Variants in NFIX observed in about 807,000 individuals in gnomAD.
NFIX encodes nuclear factor 1 X-type.
NFIX carries 2 observed loss-of-function variants against 53.3 expected under a neutral mutation model. The observed-to-expected ratio is 0.04, with a 90% confidence interval of 0.02 to 0.12. The LOEUF (loss-of-function observed/expected upper bound fraction) is 0.12, where lower values mean the gene tolerates loss of function less well. Ranked by LOEUF, NFIX falls within the 10% of genes least tolerant of loss-of-function variation. NFIX has a pLI of 1.00. For synonymous variants in NFIX, 244 were observed against 289.0 expected (o/e 0.84, Z 1.58); for missense variants, 310 against 674.5 (o/e 0.46, Z 5.99).
intron 2 of NFIX, among the ~76,000 whole-genome samples, chr19:13,050,101 ACT>A (rs2015236617): frequency 1.3e-5 from 2 of 152,228 alleles, no homozygotes; most frequent in Admixed American, 1.3e-4. Context: ...GAGTTTCATA[ACT>A]GCATTCCTTG....
At chr19:13,055,131 C>T (rs1314371777) in intron 2 of NFIX, among the ~76,000 whole-genome samples, 1 of 151,770 alleles carries the variant, frequency 6.6e-6, no homozygotes, top group Non-Finnish European at 1.5e-5. Flanking sequence ...TAGGAGACCT[C>T]CCGCCGGCTG....
rs1434959120 is a variant in NFIX, at chr19:13,040,871, T to C, written c.559+15319T>C. Among the ~76,000 whole-genome samples, 1 of 152,208 alleles carries C rather than the reference T, an allele frequency of 6.6e-6. No homozygotes were observed. Among genetic ancestry groups the C allele is most frequent in the Non-Finnish European group, 1.5e-5 (1 of 68,036 alleles). The stretch of plus-strand genomic sequence containing the variant: ...ATCTTAGAACTGTTTCCAGTAGTTT[T>C]TGAGTGAATTCCGAGCACTCCACTT... On this transcript the variant is annotated intron_variant, in intron 2 of 10. Transcript: ENST00000592199. This position sits in a 1 kb window ranked among gnomAD's most constrained non-coding sequence, Gnocchi z 4.2.
Position 13,088,268 on chromosome 19 carries a change from A to G in NFIX, c.1402+132A>G. On this transcript the variant is annotated intron_variant, in intron 9 of 10. Coordinates refer to ENST00000592199, the MANE Select transcript of NFIX (RefSeq NM_001365902.3). The surrounding 1 kb of genome is among the most constrained non-coding windows in gnomAD (Gnocchi z 5.9). ...CCCAACCCAGAGCACCATGGACAAG[A>G]GCAGAGCCGAGCCCCCCAACCACAG... 8.9e-7 allele frequency: 1 copy of G among 1,117,938 alleles called. No individual in the cohort carries two copies. Among genetic ancestry groups the G allele is most frequent in the East Asian group, 2.6e-5 (1 of 38,258 alleles). 69.3% of individuals were successfully genotyped at this position (1,117,938 alleles called of 1,614,324 possible). A position where few individuals can be genotyped will look rare whatever the true frequency, so the allele number is the denominator to read the frequency against.
rs544795913 is a variant in NFIX, at chr19:13,027,529, G to C, written c.559+1977G>C. Among the ~76,000 whole-genome samples, 3 of 152,244 alleles carry C rather than the reference G, an allele frequency of 2.0e-5. No homozygotes were observed. In the East Asian group the frequency reaches 5.8e-4, roughly 29 times the overall value. On this transcript the variant is annotated intron_variant, in intron 2 of 10. Coordinates refer to ENST00000592199, the MANE Select transcript of NFIX (RefSeq NM_001365902.3). This position sits in a 1 kb window ranked among gnomAD's most constrained non-coding sequence, Gnocchi z 4.3. ...CTTCCAATTTTAGAACCAGGGGCTCGAGAGCATCTAAGATGAAAATCAACA... is the reference window on the plus strand; with the variant it reads ...CTTCCAATTTTAGAACCAGGGGCTCCAGAGCATCTAAGATGAAAATCAACA...
In NFIX at chr19:13,066,847, C is replaced by A. The variant is rs1361770167; in HGVS notation, c.560-6200C>A. ...ATCCTAGAAGCCCCGTGGGCCCAGA[C>A]CCTGGCCAAGCCTCATCCCCCGGCC... On this transcript the variant is annotated intron_variant, in intron 2 of 10. Coordinates refer to ENST00000592199, the MANE Select transcript of NFIX (RefSeq NM_001365902.3). This position sits in a 1 kb window ranked among gnomAD's most constrained non-coding sequence, Gnocchi z 4.2. Among the ~76,000 whole-genome samples the A allele has an allele frequency of 2.6e-5, 4 of 152,202 alleles. No homozygotes were observed. In the East Asian group the frequency reaches 7.7e-4, roughly 29 times the overall value.
rs762297681 is a variant in NFIX, at chr19:13,075,531, C to G, written c.819-4C>G. Reference sequence around the variant, plus strand: ...GCCCATGTGACCCTTTCTTTCTTCCCCAGCACCACCAAGCGCCCCAAGTCC... The same window carrying G: ...GCCCATGTGACCCTTTCTTTCTTCCGCAGCACCACCAAGCGCCCCAAGTCC... On this transcript the variant is annotated splice_polypyrimidine_tract_variant and splice_region_variant and intron_variant, in intron 5 of 10. Transcript: ENST00000592199. 27 of 1,613,382 alleles carry G rather than the reference C, an allele frequency of 1.7e-5. No individual in the cohort carries two copies. The highest frequency in any genetic ancestry group is 2.2e-5 in the Non-Finnish European group (26 of 1,179,652).
At position 13,067,880 on chromosome 19, in the gene NFIX, C is replaced by T. The variant is rs978569019; in HGVS notation, c.560-5167C>T. Among the ~76,000 whole-genome samples, 10 of 151,968 alleles carry T rather than the reference C, an allele frequency of 6.6e-5. No individual in the cohort carries two copies. The highest frequency in any genetic ancestry group is 1.3e-4 in the Non-Finnish European group (9 of 68,000). Reference sequence around the variant, plus strand: ...CAGCACTTTGGGAGGCTGAGACGGGCGGATCACCAGGTCAGGAGATCGAGA... The same window carrying T: ...CAGCACTTTGGGAGGCTGAGACGGGTGGATCACCAGGTCAGGAGATCGAGA... On this transcript the variant is annotated intron_variant, in intron 2 of 10. Coordinates refer to ENST00000592199, the MANE Select transcript of NFIX (RefSeq NM_001365902.3). The surrounding 1 kb of genome is among the most constrained non-coding windows in gnomAD (Gnocchi z 4.2).
chr19:13,043,572 C>T lies in NFIX; in HGVS notation c.559+18020C>T, dbSNP rs1392089020. Among the ~76,000 whole-genome samples, 1 of 152,184 alleles carries T rather than the reference C, an allele frequency of 6.6e-6. No individual in the cohort carries two copies. Among genetic ancestry groups the T allele is most frequent in the Non-Finnish European group, 1.5e-5 (1 of 68,022 alleles). On this transcript the variant is annotated intron_variant, in intron 2 of 10. Transcript: ENST00000592199. This position sits in a 1 kb window ranked among gnomAD's most constrained non-coding sequence, Gnocchi z 4.0. Reference sequence around the variant, plus strand: ...GGCTGCCAAGGTCGCACATGTCCTCCCAGGACTTGAAGGGGGACCAGGGGA... The same window carrying T: ...GGCTGCCAAGGTCGCACATGTCCTCTCAGGACTTGAAGGGGGACCAGGGGA...
chr19:13,083,171 G>A (rs566244380), intron 8 of NFIX, among the ~76,000 whole-genome samples: 1 of 152,240 alleles, frequency 6.6e-6, no homozygotes, highest in East Asian at 1.9e-4. Flanking sequence ...CCACTTTTAG[G>A]GCCATGGAGG....
chr19:13,075,515 A>C lies in NFIX; in HGVS notation c.819-20A>C, dbSNP rs1407662742. 1 of 1,612,558 alleles carries C rather than the reference A, an allele frequency of 6.2e-7. No individual in the cohort carries two copies. Among genetic ancestry groups the C allele is most frequent in the South Asian group, 1.1e-5 (1 of 90,790 alleles). ...CCTCAGCCCATCCTTGGCCCATGTG[A>C]CCCTTTCTTTCTTCCCCAGCACCAC... On this transcript the variant is annotated intron_variant, in intron 5 of 10. Coordinates refer to ENST00000592199, the MANE Select transcript of NFIX (RefSeq NM_001365902.3).
In NFIX at chr19:13,030,352, A is replaced by G. The variant is rs180902338; in HGVS notation, c.559+4800A>G. On this transcript the variant is annotated intron_variant, in intron 2 of 10. Coordinates refer to ENST00000592199, the MANE Select transcript of NFIX (RefSeq NM_001365902.3). ...GGTTCCAGGGATTAAACCAGCTAAT[A>G]TGTAAAGATACCGGCACATAGCAGG... is the stretch of plus-strand genomic sequence containing the variant. Among the ~76,000 whole-genome samples, 79 of 152,342 alleles carry G rather than the reference A, an allele frequency of 5.2e-4. 1 individual carries two copies. The highest frequency in any genetic ancestry group is 1.8e-3 in the African/African-American group (75 of 41,586).
rs2018531223 is a variant in NFIX at position 13,097,530 on chromosome 19, C to A, written c.*2881C>A. 1 of 152,686 alleles carries A rather than the reference C, an allele frequency of 6.5e-6. No homozygotes were observed. The highest frequency in any genetic ancestry group is 6.5e-5 in the Admixed American group (1 of 15,306). The allele number at this position is 152,686 out of a possible 1,614,324, so 9.5% of individuals were successfully genotyped here. ...CATATCCCTTCTTTGTTGAGTTTAACGGAACGGGACAGCGGCGTGCCCCCG... is the reference window on the plus strand; with the variant it reads ...CATATCCCTTCTTTGTTGAGTTTAAAGGAACGGGACAGCGGCGTGCCCCCG... On this transcript the variant is annotated 3_prime_UTR_variant, in exon 11 of 11. Transcript: ENST00000592199.
intron 2 of NFIX, among the ~76,000 whole-genome samples, chr19:13,055,568 C>G (rs1226353107): frequency 6.6e-6 from 1 of 152,166 alleles, no homozygotes; most frequent in Non-Finnish European, 1.5e-5. Context: ...CTCACGGGGC[C>G]TCGGCTCTCC....
Position 13,022,347 on chromosome 19 carries a change from G to A in NFIX, c.28-2674G>A, listed in dbSNP as rs1271219442. Among the ~76,000 whole-genome samples, 1 of 152,130 alleles carries A rather than the reference G, an allele frequency of 6.6e-6. No individual in the cohort carries two copies. Among genetic ancestry groups the A allele is most frequent in the Non-Finnish European group, 1.5e-5 (1 of 68,010 alleles). ...GAGGAGGCTGAGCTTGCTGGGGGCTGGGGGAGAAGGGAGGGACGTGTGGGG... is the reference window on the plus strand; with the variant it reads ...GAGGAGGCTGAGCTTGCTGGGGGCTAGGGGAGAAGGGAGGGACGTGTGGGG... On this transcript the variant is annotated intron_variant, in intron 1 of 10. Transcript: ENST00000592199. This position sits in a 1 kb window ranked among gnomAD's most constrained non-coding sequence, Gnocchi z 4.5.
chr19:13,057,625 C>T (rs1336213035), intron 2 of NFIX, among the ~76,000 whole-genome samples: 1 of 152,156 alleles, frequency 6.6e-6, no homozygotes, highest in African/African-American at 2.4e-5. Context: ...AAAAAGAAAA[C>T]CCACTAGTGT....
At chr19:13,085,678 A>T (rs758667236) in intron 8 of NFIX, among the ~76,000 whole-genome samples, 2 of 152,224 alleles carry the variant, frequency 1.3e-5, no homozygotes, top group Non-Finnish European at 2.9e-5. Context: ...GGCCACTGAG[A>T]GTTGTCACCC....
At chr19:13,062,519 G>T (rs1456261022) in intron 2 of NFIX, among the ~76,000 whole-genome samples, 2 of 152,210 alleles carry the variant, frequency 1.3e-5, no homozygotes, top group Non-Finnish European at 1.5e-5. Context: ...GGGGCTGATG[G>T]TCTAGTGGGG....
In NFIX at chr19:13,072,983, G is replaced by T. The variant is rs1313138433; in HGVS notation, c.560-64G>T. 6.6e-7 allele frequency: 1 copy of T among 1,514,484 alleles called. No homozygotes were observed. Among genetic ancestry groups the T allele is most frequent in the South Asian group, 1.1e-5 (1 of 89,168 alleles). The allele number at this position is 1,514,484 out of a possible 1,614,324, so 93.8% of individuals were successfully genotyped here. A position where few individuals can be genotyped will look rare whatever the true frequency, so the allele number is the denominator to read the frequency against. On this transcript the variant is annotated intron_variant, in intron 2 of 10. Coordinates refer to ENST00000592199, the MANE Select transcript of NFIX (RefSeq NM_001365902.3). This position sits in a 1 kb window ranked among gnomAD's most constrained non-coding sequence, Gnocchi z 4.0. ...CTTGCACCAGGCTGGAGGGGCCAAT[G>T]CTTGGCTGGTGCTTATGGGGAACTT...
intron 1 of NFIX, among the ~76,000 whole-genome samples, chr19:13,023,630 C>CTTTT (rs201731717): frequency 7.8e-6 from 1 of 128,670 alleles, no homozygotes; most frequent in African/African-American, 2.9e-5. Flanking sequence ...GCATTTTTTT[C>CTTTT]TTTTTTTTTT....
Sources: allele counts gnomAD v4.1 joint callset (sites outside exome capture counted in the v4.1 genomes callset), GRCh38; gene constraint gnomAD v4.1.1; non-coding constraint Gnocchi (gnomAD v3.1); transcripts MANE v1.5; gene names NCBI Gene and HGNC (gene_info 2026-07-23, HGNC 2026-07-21).